DPM1: variants seen among roughly 807,000 people sequenced by gnomAD.
DPM1 encodes the protein dolichol-phosphate mannosyltransferase subunit 1.
Under a neutral mutation model 39.0 loss-of-function variants are expected in DPM1, and 27 were observed. The observed-to-expected ratio is 0.69, with a 90% CI of 0.51 to 0.95. The LOEUF is 0.95. DPM1 is among the 40% of genes least tolerant of loss of function. DPM1 has a pLI of 0.00. For synonymous variants in DPM1, 124 were observed against 109.0 expected (o/e 1.14, Z -0.86); for missense variants, 307 against 315.6 (o/e 0.97, Z 0.21).
chr20:50,935,192 C>T lies in DPM1; in HGVS notation c.723G>A (p.Leu241=). 1 of 1,610,580 alleles carries T rather than the reference C, an allele frequency of 6.2e-7. No individual in the cohort carries two copies. The highest frequency in any genetic ancestry group is 1.7e-5 in the Admixed American group (1 of 59,948). The change falls in exon 9 of 9, where the codon TTG becomes TTA. Residue 241 remains leucine, a synonymous_variant. Coordinates refer to ENST00000371588, the MANE Select transcript of DPM1 (RefSeq NM_003859.3). The part of the protein sequence containing the change: ...FVDRVYGESK[L]GGNEIVSFLK... ...AGAAAGATACTATTTCATTTCCTCCCAACTTGGATTCACCATAAACACGAT... is the reference window on the plus strand; with the variant it reads ...AGAAAGATACTATTTCATTTCCTCCTAACTTGGATTCACCATAAACACGAT...
rs1368023172 is a variant in DPM1, at chr20:50,955,203, A to G, written c.244T>C (p.Tyr82His). The stretch of plus-strand genomic sequence containing the variant: ...TAACTTACAATTCTGTCTGACCCAT[A>G]GATCTTCTCCAACTGTTCAGCAACA... ...RDVAEQLEKIYGSDRILLRPR... is the reference protein window; with the variant it reads ...RDVAEQLEKIHGSDRILLRPR... Residue 82 changes from tyrosine to histidine, a missense_variant, in exon 2 of 9, where the codon TAT becomes CAT. By Grantham distance (83) the Tyr-to-His change is moderately conservative (BLOSUM62 2). Coordinates refer to ENST00000371588, the MANE Select transcript of DPM1 (RefSeq NM_003859.3). 1.2e-6 allele frequency: 2 copies of G among 1,612,290 alleles called. No homozygotes were observed. The highest frequency in any genetic ancestry group is 2.2e-5 in the South Asian group (2 of 91,058).
intron 2 of DPM1, among the ~76,000 whole-genome samples, chr20:50,952,316 G>A (rs1986624125): frequency 6.6e-6 from 1 of 152,130 alleles, no homozygotes; most frequent in Non-Finnish European, 1.5e-5. Flanking sequence ...CTTGAAAAAA[G>A]TTACTTAAAA....
At chr20:50,939,051 AC>A (rs1338153283) in intron 7 of DPM1, among the ~76,000 whole-genome samples, 1 of 152,146 alleles carries the variant, frequency 6.6e-6, no homozygotes, top group African/African-American at 2.4e-5. Flanking sequence ...TGTCATTTAT[AC>A]AGAACACAGC....
chr20:50,958,339 G>C (rs755308021), intron 1 of DPM1, 24 bp downstream of exon 1: 6 of 1,611,392 alleles, frequency 3.7e-6, no homozygotes, highest in South Asian at 1.1e-5. Flanking sequence ...CTCATTCTTC[G>C]GGGAGGGAGA....
intron 3 of DPM1, among the ~76,000 whole-genome samples, chr20:50,948,146 C>A (rs1486960700): frequency 6.6e-6 from 1 of 152,160 alleles, no homozygotes; most frequent in African/African-American, 2.4e-5. Context: ...AGGGAAAAGT[C>A]TAAGTGGTCC....
chr20:50,939,763 G>A (rs1281793855), intron 7 of DPM1, among the ~76,000 whole-genome samples: 6 of 152,128 alleles, frequency 3.9e-5, no homozygotes, highest in African/African-American at 1.4e-4. Flanking sequence ...ACAAGCGTAC[G>A]CCACCATACC....
At chr20:50,949,538 T>C (rs1368010525) in intron 2 of DPM1, among the ~76,000 whole-genome samples, 1 of 152,200 alleles carries the variant, frequency 6.6e-6, no homozygotes, top group East Asian at 1.9e-4. Flanking sequence ...TGCTTAATAG[T>C]TGGAGCCTGA....
At chr20:50,944,778 TACAA>T (rs1034382031) in intron 5 of DPM1, 1 of 152,262 alleles carries the variant, frequency 6.6e-6, no homozygotes, top group African/African-American at 2.4e-5. Flanking sequence ...TTATATTGCC[TACAA>T]ACAAATATAA....
chr20:50,941,015 G>A, intron 6 of DPM1, 82 bp from the exon 7 acceptor site: 1 of 1,244,630 alleles, frequency 8.0e-7, no homozygotes, highest in African/African-American at 1.5e-5. Flanking sequence ...GTGTTAAAAT[G>A]CTATACTAAT....
chr20:50,942,131 A>G lies in DPM1; in HGVS notation c.399-5T>C. ...AAATTACCCTCCTTTTGCTTCCTGT[A>G]GAATAAATTAGCTGTCAATTAGAAA... is the stretch of plus-strand genomic sequence containing the variant. On this transcript the variant is annotated splice_polypyrimidine_tract_variant and splice_region_variant and intron_variant, in intron 5 of 8. Transcript: ENST00000371588. 2 of 1,611,292 alleles carry G rather than the reference A, an allele frequency of 1.2e-6. No individual in the cohort carries two copies. The highest frequency in any genetic ancestry group is 1.7e-6 in the Non-Finnish European group (2 of 1,177,728).
At chr20:50,951,891 A>C (rs1986597880) in intron 2 of DPM1, among the ~76,000 whole-genome samples, 1 of 152,186 alleles carries the variant, frequency 6.6e-6, no homozygotes, top group Non-Finnish European at 1.5e-5. Flanking sequence ...TTTATTTCTT[A>C]TGTAGGAAAT....
chr20:50,949,336 A>C (rs903298927), intron 2 of DPM1, among the ~76,000 whole-genome samples: 11 of 152,126 alleles, frequency 7.2e-5, no homozygotes, highest in African/African-American at 2.4e-4. Context: ...CCTTCTTGGG[A>C]AATCTGATGT....
At chr20:50,938,595 T>G (rs1318272009) in intron 7 of DPM1, among the ~76,000 whole-genome samples, 1 of 151,192 alleles carries the variant, frequency 6.6e-6, no homozygotes, top group Non-Finnish European at 1.5e-5. Context: ...TTAGCCAGGA[T>G]GGTCTCGATC....
chr20:50,940,942 TAAAA>T lies in DPM1; in HGVS notation c.495-13_495-10del. The T allele has an allele frequency of 6.2e-7, 1 of 1,613,420 alleles. No individual in the cohort carries two copies. Among genetic ancestry groups the T allele is most frequent in the Non-Finnish European group, 8.5e-7 (1 of 1,179,576 alleles). ...AAAAATTGGCCCCACGGCTGCCAAATAAAACAATCAGATCTTCTTTACAAAATAC... is the reference window on the plus strand; with the variant it reads ...AAAAATTGGCCCCACGGCTGCCAAATCAATCAGATCTTCTTTACAAAATAC... On this transcript the variant is annotated splice_polypyrimidine_tract_variant and intron_variant, in intron 6 of 8. Coordinates refer to ENST00000371588, the MANE Select transcript of DPM1 (RefSeq NM_003859.3).
intron 5 of DPM1, among the ~76,000 whole-genome samples, chr20:50,943,514 C>G (rs1986044376): frequency 6.6e-6 from 1 of 151,698 alleles, no homozygotes; most frequent in Admixed American, 6.6e-5. Context: ...CGAGTGCCAT[C>G]ATGCCCGGCT....
intron 5 of DPM1, 126 bp downstream of exon 5, chr20:50,945,611 G>A: frequency 1.0e-6 from 1 of 984,394 alleles, no homozygotes; most frequent in Admixed American, 2.5e-5. Context: ...CCCAAACTTT[G>A]TTTATATTTT....
intron 6 of DPM1, chr20:50,941,260 ATAT>A (rs1985741394): frequency 2.9e-5 from 5 of 172,376 alleles, no homozygotes; most frequent in East Asian, 1.2e-4. Context: ...ATATATATAT[ATAT>A]AAATAAAATA....
chr20:50,940,974 T>C (rs1318305404), intron 6 of DPM1, 41 bp from the exon 7 acceptor site: 2 of 1,586,534 alleles, frequency 1.3e-6, no homozygotes, highest in Non-Finnish European at 1.7e-6. Flanking sequence ...CAAAATACAA[T>C]TTATAAACAA....
intron 1 of DPM1, among the ~76,000 whole-genome samples, chr20:50,957,708 A>T (rs943494440): frequency 2.0e-5 from 3 of 152,232 alleles, no homozygotes; most frequent in Admixed American, 1.3e-4. Flanking sequence ...AAGATTTCAC[A>T]GCATGATCCC....
Sources: gnomAD v4.1 joint callset for allele counts (sites outside exome capture counted in the v4.1 genomes callset) on GRCh38, gnomAD v4.1.1 for gene constraint, MANE v1.5 for transcripts, NCBI Gene and HGNC (gene_info 2026-07-23, HGNC 2026-07-21) for gene names.